VWA8: variants seen among roughly 807,000 people sequenced by gnomAD.
VWA8 encodes the protein von Willebrand factor A domain-containing protein 8.
In VWA8, 221 loss-of-function variants were observed where a neutral mutation model predicts 241.5. The ratio of observed to expected loss-of-function variants is 0.91; its 90% CI spans 0.82 to 1.02. The LOEUF (loss-of-function observed/expected upper bound fraction) is 1.02, where lower values mean the gene tolerates loss of function less well. Among genes scored for constraint, VWA8 ranks in the 50% least tolerant of loss-of-function variants. VWA8 has a pLI of 0.00. For synonymous variants in VWA8, 852 were observed against 827.1 expected (o/e 1.03, Z -0.52); for missense variants, 2,322 against 2,328.7 (o/e 1.00, Z 0.06).
intron 5 of VWA8, among the ~76,000 whole-genome samples, chr13:41,887,610 G>A (rs1874610596): frequency 6.6e-6 from 1 of 152,124 alleles, no homozygotes. Context: ...AGGAGACTTG[G>A]GTCAGATCTC....
intron 26 of VWA8, among the ~76,000 whole-genome samples, chr13:41,705,305 A>G (rs2045276042): frequency 7.1e-6 from 1 of 141,414 alleles, no homozygotes; most frequent in Non-Finnish European, 1.5e-5. Context: ...GGGTCGGGGG[A>G]GGGTACTGAA....
chr13:41,641,950 T>C (rs1422665678), intron 37 of VWA8, among the ~76,000 whole-genome samples: 1 of 152,142 alleles, frequency 6.6e-6, no homozygotes, highest in Non-Finnish European at 1.5e-5. Context: ...CAAACGGAAA[T>C]CAAATGAATA....
rs573040833 is a variant in VWA8 at position 41,857,852 on chromosome 13, G to A, written c.1425+7884C>T. 4.6e-5 allele frequency among the ~76,000 whole-genome samples: 7 copies of A among 152,296 alleles called. No homozygotes were observed. The South Asian group carries it at 1.5e-3, about 32-fold the overall frequency. On this transcript the variant is annotated intron_variant, in intron 12 of 44. Transcript: ENST00000379310. ...GGTGTTTGTGAAGGTATTTCTGGAT[G>A]AGATTAGCAGTTGAACTGGTAGATT...
intron 13 of VWA8, 23 bp downstream of exon 13, chr13:41,833,348 T>C: frequency 2.5e-6 from 4 of 1,587,210 alleles, no homozygotes; most frequent in Non-Finnish European, 3.4e-6. Flanking sequence ...TGTCTGTGTG[T>C]GATTTTTGTG....
chr13:41,871,390 G>T (rs988960169), intron 9 of VWA8, among the ~76,000 whole-genome samples: 1 of 151,912 alleles, frequency 6.6e-6, no homozygotes, highest in Non-Finnish European at 1.5e-5. Context: ...GTGCCATGCT[G>T]GTGTGCTGCA....
chr13:41,570,423 G>C, intron 44 of VWA8, 45 bp downstream of exon 44: 1 of 1,540,182 alleles, frequency 6.5e-7, no homozygotes, highest in Non-Finnish European at 9.0e-7. Flanking sequence ...TAGCTACTCA[G>C]TATCTCTGTA....
Position 41,587,499 on chromosome 13 carries a change from T to C in VWA8, c.5271+13A>G, listed in dbSNP as rs767827440. The C allele has an allele frequency of 4.3e-6, 7 of 1,614,120 alleles. No individual in the cohort carries two copies. Among genetic ancestry groups the C allele is most frequent in the Non-Finnish European group, 5.9e-6 (7 of 1,180,002 alleles). On this transcript the variant is annotated intron_variant, in intron 42 of 44. Transcript: ENST00000379310. ...CAATGATGCCTCTCATTATTCTTAG[T>C]TCATGTCATTACCTGGAACTTCTCC...
At chr13:41,938,701 A>G (rs1258494904) in intron 2 of VWA8, among the ~76,000 whole-genome samples, 2 of 152,120 alleles carry the variant, frequency 1.3e-5, no homozygotes, top group Non-Finnish European at 2.9e-5. Context: ...TTCTTTCATA[A>G]TGAGAGGCAA....
chr13:41,739,819 GTTTTTTTGTTTT>G (rs1383689690), intron 21 of VWA8, among the ~76,000 whole-genome samples: 7 of 74,954 alleles, frequency 9.3e-5, no homozygotes, highest in South Asian at 5.0e-4. Context: ...CAGTATCATT[GTTTTTTTGTTTT>G]TTTTTTTGTT....
intron 42 of VWA8, 106 bp from the exon 43 acceptor site, chr13:41,575,944 A>G (rs2044348422): frequency 2.8e-6 from 2 of 721,428 alleles, no homozygotes; most frequent in East Asian, 2.6e-5. Context: ...AAGTTGCTCA[A>G]CATATGGCCA....
intron 35 of VWA8, among the ~76,000 whole-genome samples, chr13:41,676,044 A>G (rs1206053288): frequency 6.6e-6 from 1 of 152,102 alleles, no homozygotes; most frequent in African/African-American, 2.4e-5. Context: ...AAAGATAGAT[A>G]AAAGTCCCTA....
chr13:41,758,023 T>C (rs1394212894), intron 21 of VWA8, among the ~76,000 whole-genome samples: 4 of 151,490 alleles, frequency 2.6e-5, no homozygotes, highest in Non-Finnish European at 5.9e-5. Context: ...CAACAAAGAA[T>C]ACCTTCTATT....
chr13:41,592,037 T>C (rs1157253217), intron 40 of VWA8, among the ~76,000 whole-genome samples: 1 of 151,348 alleles, frequency 6.6e-6, no homozygotes, highest in Non-Finnish European at 1.5e-5. Context: ...TGCGGCACTA[T>C]TCACAATAGC....
intron 17 of VWA8, among the ~76,000 whole-genome samples, chr13:41,789,845 A>C (rs1273633890): frequency 2.0e-5 from 3 of 152,188 alleles, no homozygotes; most frequent in Non-Finnish European, 4.4e-5. Context: ...TTAAATCTTA[A>C]ATTTCCAAAT....
At chr13:41,570,801 T>A in intron 43 of VWA8, 95 bp from the exon 44 acceptor site, 1 of 971,998 alleles carries the variant, frequency 1.0e-6, no homozygotes, top group Non-Finnish European at 1.5e-6. Context: ...CATGCATACA[T>A]ACCAATTATT....
intron 37 of VWA8, among the ~76,000 whole-genome samples, chr13:41,618,836 T>C (rs2044638571): frequency 6.6e-6 from 1 of 152,204 alleles, no homozygotes; most frequent in African/African-American, 2.4e-5. Flanking sequence ...GGTCTATATC[T>C]CTGTTTTGGT....
At chr13:41,959,625 T>TTTTTTTTTA (rs55893633) in intron 1 of VWA8, among the ~76,000 whole-genome samples, 1 of 134,166 alleles carries the variant, frequency 7.5e-6, no homozygotes, top group African/African-American at 2.7e-5. Context: ...TTTTTTTTTT[T>TTTTTTTTTA]GAGATGGAGT....
At chr13:41,812,402 T>C (rs951707190) in intron 16 of VWA8, among the ~76,000 whole-genome samples, 2 of 152,122 alleles carry the variant, frequency 1.3e-5, no homozygotes, top group African/African-American at 4.8e-5. Flanking sequence ...TTGAAGCAAC[T>C]GGACCTTTGG....
intron 21 of VWA8, among the ~76,000 whole-genome samples, chr13:41,750,470 CA>C (rs199864418): frequency 9.1e-4 from 109 of 119,802 alleles, no homozygotes; most frequent in East Asian, 2.7e-3. Context: ...AAAACAAAAA[CA>C]AAAAAAAAAG....
Sources: allele counts gnomAD v4.1 joint callset (sites outside exome capture counted in the v4.1 genomes callset), GRCh38; gene constraint gnomAD v4.1.1; transcripts MANE v1.5; gene names NCBI Gene and HGNC (gene_info 2026-07-23, HGNC 2026-07-21).